The following C8B variants were observed in gnomAD, a reference collection of about 807,000 sequenced individuals.
The protein encoded by C8B is complement C8 beta chain.
Under a neutral mutation model 64.6 loss-of-function variants are expected in C8B, and 67 were observed. The observed-to-expected ratio is 1.04, with a 90% CI of 0.85 to 1.27. The LOEUF is 1.27. Among genes scored for constraint, C8B ranks in the 50% most tolerant of loss-of-function variants. C8B has a pLI of 0.00. For missense variants in C8B, 790 were observed against 725.2 expected, an observed-to-expected ratio of 1.09 and a Z score of -1.03; for synonymous variants, 284 against 257.7, an observed-to-expected ratio of 1.10 and a Z score of -0.98.
At chr1:56,957,839 T>G (rs1330000068) in intron 2 of C8B, among the ~76,000 whole-genome samples, 2 of 152,042 alleles carry the variant, frequency 1.3e-5, no homozygotes, top group African/African-American at 4.8e-5. Context: ...CTTTGCACAC[T>G]CATCGGGAGT....
intron 5 of C8B, 112 bp downstream of exon 5, chr1:56,951,936 G>A: frequency 1.4e-6 from 1 of 707,520 alleles, no homozygotes; most frequent in South Asian, 2.5e-5. Context: ...CACATATGAA[G>A]AAACTGAAGC....
chr1:56,960,137 G>C lies in C8B; in HGVS notation c.132C>G (p.Asn44Lys), dbSNP rs147505103. The C allele has an allele frequency of 4.1e-4, 659 of 1,614,164 alleles. 1 individual carries two copies. The African/African-American group carries it at 6.9e-3, about 17-fold the overall frequency. The change falls in exon 2 of 12, where the codon AAC (asparagine) becomes AAG (lysine). Residue 44 changes from asparagine to lysine, a missense_variant. Transcript: ENST00000371237. ...RPHSFGSNAV[N>K]KSFAKSRQMR... ...TCTGTCTGCTCTTAGCAAAGCTCTT[G>C]TTGACTGCATTTGACCCAAAGGAAT...
chr1:56,953,043 A>C (rs1645048804), intron 4 of C8B, among the ~76,000 whole-genome samples: 1 of 152,202 alleles, frequency 6.6e-6, no homozygotes, highest in Admixed American at 6.5e-5. Flanking sequence ...GGTGACAAAC[A>C]CAGCAGTGGG....
intron 3 of C8B, among the ~76,000 whole-genome samples, chr1:56,956,268 C>G (rs1645101877): frequency 6.6e-6 from 1 of 152,188 alleles, no homozygotes; most frequent in Admixed American, 6.5e-5. Context: ...CAACAGTCTA[C>G]AAAGAGCTCT....
At chr1:56,946,578 A>G (rs1479796403) in intron 6 of C8B, among the ~76,000 whole-genome samples, 1 of 152,208 alleles carries the variant, frequency 6.6e-6, no homozygotes, top group Non-Finnish European at 1.5e-5. Context: ...TGCCTCCATT[A>G]CTTACATACG....
intron 9 of C8B, among the ~76,000 whole-genome samples, chr1:56,938,862 G>A (rs1644809927): frequency 1.3e-5 from 2 of 151,518 alleles, no homozygotes; most frequent in African/African-American, 2.4e-5. Flanking sequence ...CTGACATAAT[G>A]TGAAGCCATC....
chr1:56,959,455 G>A, intron 2 of C8B: 1 of 894,600 alleles, frequency 1.1e-6, no homozygotes, highest in South Asian at 1.4e-5. Flanking sequence ...TCTCAAAAGA[G>A]GCAGCTCCTG....
At chr1:56,930,494 T>C (rs1644684239) in intron 11 of C8B, among the ~76,000 whole-genome samples, 1 of 152,224 alleles carries the variant, frequency 6.6e-6, no homozygotes, top group South Asian at 2.1e-4. Context: ...GTTGTGTGAC[T>C]GCAGACTCAC....
rs144103521 is a variant in C8B, at chr1:56,945,631, C to T, written c.1105+190G>A. 7.0e-4 allele frequency among the ~76,000 whole-genome samples: 107 copies of T among 152,194 alleles called. 1 individual carries two copies. The highest frequency in any genetic ancestry group is 2.2e-3 in the African/African-American group (92 of 41,510). Reference sequence around the variant, plus strand: ...GGATACAATTGCATAGAGAGAAAAGCTGTAGAAAAGAGAATGGCCTAGGGA... The same window carrying T: ...GGATACAATTGCATAGAGAGAAAAGTTGTAGAAAAGAGAATGGCCTAGGGA... On this transcript the variant is annotated intron_variant, in intron 7 of 11. Transcript: ENST00000371237.
rs533082188 is a variant in C8B, at chr1:56,964,062, G to T, written c.92+1795C>A. On this transcript the variant is annotated intron_variant, in intron 1 of 11. Coordinates refer to ENST00000371237, the MANE Select transcript of C8B (RefSeq NM_000066.4). ...CAGAACTATACCCAGATTCAGGTAA[G>T]GGTTTGAAAACCTCACCACACATGC... is the stretch of plus-strand genomic sequence containing the variant. The T allele has an allele frequency of 1.4e-5, 14 of 967,280 alleles. No homozygotes were observed. The South Asian group carries it at 5.7e-4, about 40-fold the overall frequency. The allele number at this position is 967,280 out of a possible 1,614,324, so 59.9% of individuals were successfully genotyped here.
intron 4 of C8B, among the ~76,000 whole-genome samples, chr1:56,953,387 T>C (rs1241481428): frequency 2.6e-5 from 4 of 152,214 alleles, no homozygotes; most frequent in Admixed American, 6.5e-5. Context: ...TGTGGAGGCA[T>C]CATCCTAATC....
intron 5 of C8B, among the ~76,000 whole-genome samples, chr1:56,951,043 G>C (rs1269081604): frequency 1.3e-5 from 2 of 152,170 alleles, no homozygotes; most frequent in African/African-American, 2.4e-5. Context: ...GGGAGGAAGG[G>C]AAGGAGGAGT....
Position 56,938,162 on chromosome 1 carries a change from C to G in C8B, c.1398+2687G>C, listed in dbSNP as rs548099335. Among the ~76,000 whole-genome samples, 18 of 152,224 alleles carry G rather than the reference C, an allele frequency of 1.2e-4. No individual in the cohort carries two copies. In the South Asian group the frequency reaches 3.7e-3, roughly 32 times the overall value. Reference sequence around the variant, plus strand: ...TTTTGTCTCTTTCTTAGGAAGAGGTCTCTGTTTTAAGCTTTCTACTCCTGT... The same window carrying G: ...TTTTGTCTCTTTCTTAGGAAGAGGTGTCTGTTTTAAGCTTTCTACTCCTGT... On this transcript the variant is annotated intron_variant, in intron 9 of 11. Coordinates refer to ENST00000371237, the MANE Select transcript of C8B (RefSeq NM_000066.4).
chr1:56,938,514 C>T (rs1412819511), intron 9 of C8B, among the ~76,000 whole-genome samples: 1 of 152,080 alleles, frequency 6.6e-6, no homozygotes, highest in Non-Finnish European at 1.5e-5. Flanking sequence ...TTTTAGACAT[C>T]GTTATTTCCT....
intron 8 of C8B, among the ~76,000 whole-genome samples, chr1:56,941,909 G>A (rs1038225822): frequency 2.0e-5 from 3 of 152,222 alleles, no homozygotes; most frequent in African/African-American, 7.2e-5. Context: ...CCAGGCATGA[G>A]TCCATCTCTG....
intron 9 of C8B, among the ~76,000 whole-genome samples, chr1:56,935,216 G>C (rs994055939): frequency 1.3e-5 from 2 of 152,016 alleles, no homozygotes; most frequent in African/African-American, 2.4e-5. Flanking sequence ...TCCCTCCTAG[G>C]CTTCTCCAAA....
chr1:56,936,963 T>G (rs989363917), intron 9 of C8B, among the ~76,000 whole-genome samples: 2 of 152,180 alleles, frequency 1.3e-5, no homozygotes, highest in South Asian at 2.1e-4. Context: ...AACATTGTCT[T>G]TCCAGGCATA....
intron 5 of C8B, among the ~76,000 whole-genome samples, chr1:56,951,621 T>C (rs1645021793): frequency 1.3e-5 from 2 of 152,318 alleles, no homozygotes; most frequent in South Asian, 4.1e-4. Flanking sequence ...GACTCACCAT[T>C]AAGCCAGGTG....
intron 2 of C8B, among the ~76,000 whole-genome samples, chr1:56,957,818 G>C (rs1323615129): frequency 6.6e-6 from 1 of 151,940 alleles, no homozygotes; most frequent in African/African-American, 2.4e-5. Context: ...CATGACAGGG[G>C]AGGCAGAGTG....
Sources: gnomAD v4.1 joint callset for allele counts (sites outside exome capture counted in the v4.1 genomes callset) on GRCh38, gnomAD v4.1.1 for gene constraint, MANE v1.5 for transcripts, NCBI Gene and HGNC (gene_info 2026-07-23, HGNC 2026-07-21) for gene names.